The following PLCB4 variants were observed in gnomAD, a reference collection of about 807,000 sequenced individuals.
PLCB4 encodes the protein phospholipase C beta 4, also known as 1-phosphatidylinositol 4,5-bisphosphate phosphodiesterase beta-4.
Under a neutral mutation model 178.8 loss-of-function variants are expected in PLCB4, and 77 were observed. The ratio of observed to expected loss-of-function variants is 0.43; its 90% CI spans 0.36 to 0.52. The LOEUF (loss-of-function observed/expected upper bound fraction) is 0.52. PLCB4 is among the 20% of genes least tolerant of loss of function. PLCB4 has a pLI of 0.00. For missense variants in PLCB4, 1,024 were observed against 1,453.4 expected, an observed-to-expected ratio of 0.70 and a Z score of 4.80; for synonymous variants, 496 against 490.8, an observed-to-expected ratio of 1.01 and a Z score of -0.14.
chr20:9,117,497 G>A (rs866489672), intron 2 of PLCB4, among the ~76,000 whole-genome samples: 20 of 152,204 alleles, frequency 1.3e-4, no homozygotes, highest in African/African-American at 4.1e-4. Context: ...ATTCCTATCC[G>A]TGCTTAATCA....
intron 3 of PLCB4, among the ~76,000 whole-genome samples, chr20:9,292,025 TTGTG>T (rs1329439496): frequency 2.0e-5 from 3 of 152,166 alleles, no homozygotes; most frequent in South Asian, 2.1e-4. Flanking sequence ...GAAGAGCTCG[TTGTG>T]TGTGTATGTT....
intron 1 of PLCB4, among the ~76,000 whole-genome samples, chr20:9,071,210 G>A (rs1568693315): frequency 6.6e-6 from 1 of 152,156 alleles, no homozygotes; most frequent in Non-Finnish European, 1.5e-5. Context: ...TTCAACCACA[G>A]CAGAGTCCAT....
chr20:9,365,209 A>G (rs567051520), intron 8 of PLCB4, among the ~76,000 whole-genome samples: 10 of 152,338 alleles, frequency 6.6e-5, no homozygotes, highest in East Asian at 5.8e-4. Context: ...AGTATATCCT[A>G]TGGAATGTTT....
chr20:9,423,853 C>G lies in PLCB4; in HGVS notation c.2425C>G (p.Arg809Gly). ...LPLDGLQAGY[R>G]HISLRNEGNK... ...GCTTGATGGCCTCCAAGCCGGATAT[C>G]GACACATTTCCCTTCGAAATGAGGG... Residue 809 changes from arginine (R) to glycine (G), a missense_variant, in exon 28 of 40, where the codon CGA becomes GGA. Arg to Gly is a moderately radical substitution (Grantham distance 125, BLOSUM62 -2). Coordinates refer to ENST00000378473, the MANE Select transcript of PLCB4 (RefSeq NM_001377142.1). 1 of 1,613,526 alleles carries G rather than the reference C, an allele frequency of 6.2e-7. No homozygotes were observed. The highest frequency in any genetic ancestry group is 8.5e-7 in the Non-Finnish European group (1 of 1,179,500).
At chr20:9,204,331 A>G (rs1235373589) in intron 2 of PLCB4, among the ~76,000 whole-genome samples, 1 of 151,794 alleles carries the variant, frequency 6.6e-6, no homozygotes, top group Non-Finnish European at 1.5e-5. Flanking sequence ...CACTTGTGAA[A>G]TTTTCCAGTC....
chr20:9,245,759 C>A (rs142995028), intron 3 of PLCB4, among the ~76,000 whole-genome samples: 1 of 151,452 alleles, frequency 6.6e-6, no homozygotes, highest in Non-Finnish European at 1.5e-5. Flanking sequence ...TCCAGCCTCC[C>A]GAGTAGCTGG....
At chr20:9,303,601 G>A (rs1400446187) in intron 3 of PLCB4, among the ~76,000 whole-genome samples, 1 of 152,098 alleles carries the variant, frequency 6.6e-6, no homozygotes, top group Non-Finnish European at 1.5e-5. Flanking sequence ...GGGATACTTG[G>A]GTTGATTCCA....
chr20:9,153,372 A>C (rs2092723881), intron 2 of PLCB4, among the ~76,000 whole-genome samples: 1 of 151,876 alleles, frequency 6.6e-6, no homozygotes, highest in Non-Finnish European at 1.5e-5. Flanking sequence ...TCCCAGGGGG[A>C]GGTAATTAAA....
At chr20:9,088,178 CT>C (rs10554943) in intron 1 of PLCB4, among the ~76,000 whole-genome samples, 33,027 of 98,252 alleles carry the variant, frequency 0.34, 3,428 homozygotes, top group East Asian at 0.41. Flanking sequence ...CTTTTCTTTT[CT>C]TTTTTTTTTT....
Position 9,210,544 on chromosome 20 carries a change from A to G in PLCB4, c.-78-6846A>G, listed in dbSNP as rs575326278. Reference sequence around the variant, plus strand: ...GGGGCTGTGGGGATCTGAAAACCCAAGCTTTCTCTGAGGGGACAGATGCCT... The same window carrying G: ...GGGGCTGTGGGGATCTGAAAACCCAGGCTTTCTCTGAGGGGACAGATGCCT... On this transcript the variant is annotated intron_variant, in intron 2 of 39. Coordinates refer to ENST00000378473, the MANE Select transcript of PLCB4 (RefSeq NM_001377142.1). Among the ~76,000 whole-genome samples the G allele has an allele frequency of 4.6e-5, 7 of 152,268 alleles. No homozygotes were observed. In the East Asian group the frequency reaches 7.7e-4, roughly 17 times the overall value.
chr20:9,184,695 G>C (rs915719959), intron 2 of PLCB4, among the ~76,000 whole-genome samples: 14 of 149,886 alleles, frequency 9.3e-5, no homozygotes, highest in African/African-American at 3.2e-4. Flanking sequence ...ATAAAACATC[G>C]CCACTATGAA....
intron 27 of PLCB4, among the ~76,000 whole-genome samples, chr20:9,422,609 G>A (rs2040720975): frequency 6.6e-6 from 1 of 151,718 alleles, no homozygotes; most frequent in Non-Finnish European, 1.5e-5. Context: ...AAAATACCCA[G>A]CTTAGTGTTT....
intron 3 of PLCB4, among the ~76,000 whole-genome samples, chr20:9,277,955 G>A (rs1333766482): frequency 6.6e-6 from 1 of 152,014 alleles, no homozygotes; most frequent in East Asian, 1.9e-4. Context: ...CTCGGTTTTA[G>A]TATAAGACCA....
intron 32 of PLCB4, among the ~76,000 whole-genome samples, chr20:9,452,140 G>A (rs569303888): frequency 1.3e-4 from 20 of 152,248 alleles, no homozygotes; most frequent in South Asian, 2.1e-4. Context: ...GCATGAATGC[G>A]TTTCTAAAGA....
chr20:9,233,133 C>G (rs2093951990), intron 3 of PLCB4, among the ~76,000 whole-genome samples: 1 of 152,058 alleles, frequency 6.6e-6, no homozygotes, highest in South Asian at 2.1e-4. Flanking sequence ...TCAAATGTAT[C>G]TCATTTTAGT....
At chr20:9,317,837 G>A (rs1177110555) in intron 4 of PLCB4, among the ~76,000 whole-genome samples, 6 of 152,214 alleles carry the variant, frequency 3.9e-5, no homozygotes, top group African/African-American at 9.6e-5. Context: ...GGTGGCTCAC[G>A]CCTGTAATCC....
rs2039635840 is a variant in PLCB4 at position 9,408,655 on chromosome 20, G to A, written c.1812G>A (p.Met604Ile). The A allele has an allele frequency of 1.3e-6, 2 of 1,580,276 alleles. No individual in the cohort carries two copies. Among genetic ancestry groups the A allele is most frequent in the Non-Finnish European group, 1.7e-6 (2 of 1,149,692 alleles). Reference protein sequence around the residue: ...VAEERNIHYNMSSFNESVGLG... With the variant: ...VAEERNIHYNISSFNESVGLG... ...CAGAACGCAATATTCATTATAACAT[G>A]TCTTCTTTTAATGAATCAGTCGGTC... is the stretch of plus-strand genomic sequence containing the variant. The change falls in exon 23 of 40, where the codon ATG (methionine) becomes ATA (isoleucine). Residue 604 changes from methionine to isoleucine, a missense_variant. Physicochemically the swap from Met to Ile is conservative, Grantham distance 10. Coordinates refer to ENST00000378473, the MANE Select transcript of PLCB4 (RefSeq NM_001377142.1).
chr20:9,477,162 T>C (rs1289417526), intron 39 of PLCB4, among the ~76,000 whole-genome samples: 1 of 152,200 alleles, frequency 6.6e-6, no homozygotes, highest in African/African-American at 2.4e-5. Context: ...TTTTTAATGA[T>C]GGAGCTGTGC....
chr20:9,203,534 G>A (rs1266664338), intron 2 of PLCB4, among the ~76,000 whole-genome samples: 1 of 152,172 alleles, frequency 6.6e-6, no homozygotes, highest in Non-Finnish European at 1.5e-5. Context: ...TTATGTCAGT[G>A]CAGAAATAAA....
Sources: allele counts gnomAD v4.1 joint callset (sites outside exome capture counted in the v4.1 genomes callset), GRCh38; gene constraint gnomAD v4.1.1; transcripts MANE v1.5; gene names NCBI Gene and HGNC (gene_info 2026-07-23, HGNC 2026-07-21).